Variants in CPED1 observed in about 807,000 individuals in gnomAD.
CPED1 encodes the protein cadherin like and PC-esterase domain containing 1, also known as cadherin-like and PC-esterase domain-containing protein 1.
A neutral mutation model predicts 128.2 loss-of-function variants in CPED1; 114 were observed. The ratio of observed to expected loss-of-function variants is 0.89; its 90% CI spans 0.76 to 1.04. The LOEUF (loss-of-function observed/expected upper bound fraction) is 1.04. CPED1 is among the 50% of genes least tolerant of loss of function. The probability of loss-of-function intolerance (pLI) is 0.00; values close to 1 mark genes in which losing one functional copy is unlikely to be tolerated. For synonymous variants in CPED1, 462 were observed against 426.7 expected (o/e 1.08, Z -1.02); for missense variants, 1,211 against 1,207.1 (o/e 1.00, Z -0.05).
chr7:121,261,924 A>G (rs1310679302), intron 18 of CPED1: 7 of 511,506 alleles, frequency 1.4e-5, no homozygotes, highest in East Asian at 3.7e-5. Flanking sequence ...GCCTATTGAT[A>G]TAGTTTGGAT....
intron 2 of CPED1, among the ~76,000 whole-genome samples, chr7:120,992,985 C>T (rs1465307370): frequency 6.6e-6 from 1 of 152,180 alleles, no homozygotes; most frequent in Non-Finnish European, 1.5e-5. Flanking sequence ...AGGAAGTACT[C>T]TCCCTCTTTC....
Position 121,295,006 on chromosome 7 carries a change from A to C in CPED1, c.2869-434A>C, listed in dbSNP as rs543738862. ...TTTTCTTTTCTCTGAAAATAGTTTT[A>C]GTTGCCATTTTATAGAAGAGTGCCA... is the stretch of plus-strand genomic sequence containing the variant. On this transcript the variant is annotated intron_variant, in intron 22 of 22. Coordinates refer to ENST00000310396, the MANE Select transcript of CPED1 (RefSeq NM_024913.5). 5.3e-5 allele frequency among the ~76,000 whole-genome samples: 8 copies of C among 152,274 alleles called. No homozygotes were observed. The South Asian group carries it at 1.7e-3, about 32-fold the overall frequency.
intron 16 of CPED1, among the ~76,000 whole-genome samples, chr7:121,152,174 C>A (rs772181127): frequency 2.0e-5 from 3 of 152,114 alleles, no homozygotes; most frequent in African/African-American, 7.2e-5. Context: ...GCTCTCAGGA[C>A]CTCATTCTTT....
intron 18 of CPED1, among the ~76,000 whole-genome samples, chr7:121,263,883 A>T (rs562021075): frequency 1.3e-5 from 2 of 152,148 alleles, no homozygotes; most frequent in South Asian, 4.2e-4. Flanking sequence ...CTAGATCTCA[A>T]AGGTCCTTTA....
At chr7:121,049,891 A>G (rs949379409) in intron 4 of CPED1, among the ~76,000 whole-genome samples, 1 of 152,210 alleles carries the variant, frequency 6.6e-6, no homozygotes, top group African/African-American at 2.4e-5. Flanking sequence ...GATGTTTGGT[A>G]CTGGCATCTA....
intron 7 of CPED1, 31 bp downstream of exon 7, chr7:121,100,125 G>A (rs369996126): frequency 1.3e-4 from 207 of 1,603,954 alleles, no homozygotes; most frequent in African/African-American, 2.0e-4. Flanking sequence ...ATTATTTCAC[G>A]TAAGTACACT....
intron 8 of CPED1, among the ~76,000 whole-genome samples, chr7:121,125,401 T>C (rs758169920): frequency 1.3e-5 from 2 of 152,180 alleles, no homozygotes; most frequent in Non-Finnish European, 2.9e-5. Flanking sequence ...TATCAATCCA[T>C]CATCTAGGTT....
intron 2 of CPED1, among the ~76,000 whole-genome samples, chr7:120,992,205 A>T (rs1003617476): frequency 9.9e-5 from 15 of 152,178 alleles, no homozygotes. Flanking sequence ...AGGTTTCCTG[A>T]AAACCTAGAA....
chr7:121,116,790 A>T (rs1244482477), intron 7 of CPED1, among the ~76,000 whole-genome samples: 1 of 151,872 alleles, frequency 6.6e-6, no homozygotes, highest in Non-Finnish European at 1.5e-5. Context: ...CTTAACCCCA[A>T]GTTTCTTCAT....
chr7:121,118,573 A>C (rs1035099429), intron 7 of CPED1, among the ~76,000 whole-genome samples: 1 of 145,674 alleles, frequency 6.9e-6, no homozygotes, highest in Non-Finnish European at 1.5e-5. Context: ...AAAAAAAAAA[A>C]CAGAGAGAGA....
intron 9 of CPED1, among the ~76,000 whole-genome samples, chr7:121,126,524 CA>C (rs1795507921): frequency 2.6e-5 from 4 of 151,940 alleles, no homozygotes; most frequent in Admixed American, 2.6e-4. Flanking sequence ...CCTTGGAATA[CA>C]GGGTGGGAAA....
chr7:121,115,689 G>A (rs367825367), intron 7 of CPED1, among the ~76,000 whole-genome samples: 90 of 152,106 alleles, frequency 5.9e-4, no homozygotes, highest in African/African-American at 2.1e-3. Flanking sequence ...AGATATTACC[G>A]GATTTCAATG....
intron 18 of CPED1, among the ~76,000 whole-genome samples, chr7:121,254,781 T>G (rs1562852186): frequency 6.6e-6 from 1 of 151,950 alleles, no homozygotes; most frequent in Non-Finnish European, 1.5e-5. Context: ...AATAACTCTT[T>G]GCACACAAAT....
Position 121,189,537 on chromosome 7 carries a change from C to T in CPED1, c.2056-47177C>T, listed in dbSNP as rs187784302. Among the ~76,000 whole-genome samples the T allele has an allele frequency of 1.3e-3, 203 of 151,754 alleles. No individual in the cohort carries two copies. In the East Asian group the frequency reaches 0.021, roughly 16 times the overall value. On this transcript the variant is annotated intron_variant, in intron 16 of 22. Transcript: ENST00000310396. ...TCCTCTCCCACCAGGTCACCAGGTCCCTCCCCCAACACTGGGTATTACAAT... is the reference window on the plus strand; with the variant it reads ...TCCTCTCCCACCAGGTCACCAGGTCTCTCCCCCAACACTGGGTATTACAAT...
At chr7:121,082,091 A>T (rs1052328582) in intron 5 of CPED1, among the ~76,000 whole-genome samples, 1 of 152,186 alleles carries the variant, frequency 6.6e-6, no homozygotes, top group Admixed American at 6.6e-5. Flanking sequence ...GCTTGCAGCA[A>T]CCTAATTCCA....
intron 16 of CPED1, among the ~76,000 whole-genome samples, chr7:121,229,020 A>G (rs1208555097): frequency 1.3e-5 from 2 of 151,982 alleles, no homozygotes; most frequent in Non-Finnish European, 2.9e-5. Context: ...CAAGTGGGTT[A>G]AAGGGTACAA....
At chr7:121,263,923 C>A (rs1792070884) in intron 18 of CPED1, among the ~76,000 whole-genome samples, 1 of 152,050 alleles carries the variant, frequency 6.6e-6, no homozygotes, top group African/African-American at 2.4e-5. Flanking sequence ...TGTATCCCCT[C>A]CACCAAATTC....
intron 4 of CPED1, among the ~76,000 whole-genome samples, chr7:121,049,545 G>A (rs1013600653): frequency 3.3e-5 from 5 of 152,330 alleles, no homozygotes; most frequent in Admixed American, 1.3e-4. Context: ...GCCTCCTGGG[G>A]GACAGAGCAG....
intron 5 of CPED1, among the ~76,000 whole-genome samples, chr7:121,079,296 T>C (rs1263605522): frequency 1.3e-5 from 2 of 152,198 alleles, no homozygotes; most frequent in African/African-American, 4.8e-5. Context: ...AAAGAGACAC[T>C]GGACAAAAAC....
Sources: allele counts gnomAD v4.1 joint callset (sites outside exome capture counted in the v4.1 genomes callset), GRCh38; gene constraint gnomAD v4.1.1; transcripts MANE v1.5; gene names NCBI Gene and HGNC (gene_info 2026-07-23, HGNC 2026-07-21).